The following GALK2 variants were observed in gnomAD, a reference collection of about 807,000 sequenced individuals.
The protein encoded by GALK2 is galactokinase 2, also known as N-acetylgalactosamine kinase.
A neutral mutation model predicts 52.4 loss-of-function variants in GALK2; 36 were observed. The observed-to-expected ratio is 0.69, with a 90% confidence interval of 0.53 to 0.91. The LOEUF (loss-of-function observed/expected upper bound fraction) is 0.91, where lower values mean the gene tolerates loss of function less well. Ranked by LOEUF, GALK2 falls within the 40% of genes least tolerant of loss-of-function variation. GALK2 has a pLI of 0.00. For missense variants in GALK2, 579 were observed against 559.1 expected, an observed-to-expected ratio of 1.04 and a Z score of -0.36; for synonymous variants, 176 against 199.1, an observed-to-expected ratio of 0.88 and a Z score of 0.98.
intron 9 of GALK2, among the ~76,000 whole-genome samples, chr15:49,321,618 A>G (rs1214989147): frequency 6.6e-6 from 1 of 152,222 alleles, no homozygotes; most frequent in Non-Finnish European, 1.5e-5. Flanking sequence ...ACCATAAAAT[A>G]TTAGATCAGG....
chr15:49,217,360 G>C (rs770172220), intron 3 of GALK2, 47 bp downstream of exon 3: 10 of 1,585,380 alleles, frequency 6.3e-6, no homozygotes, highest in Non-Finnish European at 7.7e-6. Flanking sequence ...GGTTCTGTTT[G>C]TACCCAAATG....
intron 1 of GALK2, among the ~76,000 whole-genome samples, chr15:49,178,203 A>ATATATATATATATG (rs1312016111): frequency 9.0e-6 from 1 of 110,840 alleles, no homozygotes. Context: ...TACTATATAT[A>ATATATATATATATG]TATATATATA....
chr15:49,275,972 C>T (rs1254541799), intron 5 of GALK2, among the ~76,000 whole-genome samples: 1 of 152,226 alleles, frequency 6.6e-6, no homozygotes, highest in Admixed American at 6.5e-5. Context: ...AAAGTAGCTT[C>T]ATTAACTATC....
intron 1 of GALK2, among the ~76,000 whole-genome samples, chr15:49,176,266 A>G (rs1401806901): frequency 1.3e-5 from 2 of 152,238 alleles, no homozygotes; most frequent in African/African-American, 4.8e-5. Flanking sequence ...TCTGTGATAC[A>G]AAGTACAGCC....
chr15:49,358,407 A>G (rs1483813828), intron 3 of GALK2, among the ~76,000 whole-genome samples: 1 of 126,076 alleles, frequency 7.9e-6, no homozygotes, highest in East Asian at 2.3e-4. Flanking sequence ...TACAAAATCA[A>G]TGTACAAAAA....
rs148234101 is a variant in GALK2 at position 49,239,230 on chromosome 15, G to T, written c.367G>T (p.Gly123Cys). The T allele has an allele frequency of 3.1e-6, 5 of 1,613,614 alleles. No individual in the cohort carries two copies. The highest frequency in any genetic ancestry group is 3.4e-6 in the Non-Finnish European group (4 of 1,179,726). ...CGLKGIQEHF[G>C]LSNLTGMNCL... is the part of the protein sequence containing the mutation. ...TTCCTTATATTCTTAGGAACACTTT[G>T]GTCTTAGTAACCTGACTGGAATGAA... The change falls in exon 5 of 10, where the codon GGT becomes TGT. Residue 123 changes from glycine (G) to cysteine (C), a missense_variant. Coordinates refer to ENST00000560031, the MANE Select transcript of GALK2 (RefSeq NM_002044.4).
intron 3 of GALK2, among the ~76,000 whole-genome samples, chr15:49,224,545 G>A (rs1320130325): frequency 6.6e-6 from 1 of 152,026 alleles, no homozygotes; most frequent in African/African-American, 2.4e-5. Context: ...TACTGCATAC[G>A]GCTAACCAGT....
At chr15:49,296,025 A>G (rs78487231) in intron 8 of GALK2, among the ~76,000 whole-genome samples, 2,616 of 152,290 alleles carry the variant, frequency 0.017, 95 homozygotes, top group African/African-American at 0.06. Flanking sequence ...GTATATATTC[A>G]TAAGCTTTTC....
rs149275879 is a variant in GALK2 at position 49,194,669 on chromosome 15, C to T, written c.54-6493C>T. On this transcript the variant is annotated intron_variant, in intron 1 of 9. Coordinates refer to ENST00000560031, the MANE Select transcript of GALK2 (RefSeq NM_002044.4). ...GGAGTGCAATGGTGCAATCTTGGCT[C>T]ACCGCAACCTCTGCTTCCCAAGTTT... 1.8e-3 allele frequency among the ~76,000 whole-genome samples: 275 copies of T among 149,606 alleles called. 1 individual carries two copies. Among genetic ancestry groups the T allele is most frequent in the South Asian group, 9.3e-3 (44 of 4,738 alleles).
At chr15:49,332,090 CACA>C (rs1567085537), downstream of GALK2, among the ~76,000 whole-genome samples, 430 of 60,906 alleles carry the variant, frequency 7.1e-3, 5 homozygotes, top group African/African-American at 0.054. Flanking sequence ...ACACGTGCCA[CACA>C]CACACACACA....
intron 3 of GALK2, chr15:49,344,259 T>G (rs565224550): frequency 6.6e-6 from 1 of 152,344 alleles, no homozygotes; most frequent in East Asian, 1.9e-4. Flanking sequence ...TTCATTTTTC[T>G]GTGTCTTTTC....
At chr15:49,262,223 T>C (rs1395297425) in intron 5 of GALK2, among the ~76,000 whole-genome samples, 1 of 152,166 alleles carries the variant, frequency 6.6e-6, no homozygotes. Flanking sequence ...TGGTAAGCTA[T>C]TGATTATTGC....
At chr15:49,365,826 T>C in intron 3 of GALK2, 1 of 873,558 alleles carries the variant, frequency 1.1e-6, no homozygotes, top group Non-Finnish European at 2.0e-6. Flanking sequence ...TAAGTCTCAC[T>C]TCCATGCTTT....
intron 5 of GALK2, among the ~76,000 whole-genome samples, chr15:49,260,151 G>A (rs78998914): frequency 0.42 from 63,186 of 151,828 alleles, 13,328 homozygotes; most frequent in African/African-American, 0.45. Context: ...CTGAGGAATC[G>A]CCACACAGAC....
At chr15:49,264,348 C>A (rs2092269843) in intron 5 of GALK2, among the ~76,000 whole-genome samples, 1 of 152,170 alleles carries the variant, frequency 6.6e-6, no homozygotes, top group Non-Finnish European at 1.5e-5. Flanking sequence ...ACCCTTTCTT[C>A]CAGTTGATCG....
intron 8 of GALK2, among the ~76,000 whole-genome samples, chr15:49,313,745 A>G (rs1170722113): frequency 1.3e-5 from 2 of 152,246 alleles, no homozygotes; most frequent in Non-Finnish European, 2.9e-5. Flanking sequence ...AACTTTTGCT[A>G]GATGACTATC....
At chr15:49,165,116 A>G (rs769262196) in intron 1 of GALK2, among the ~76,000 whole-genome samples, 5 of 152,226 alleles carry the variant, frequency 3.3e-5, no homozygotes, top group Admixed American at 1.3e-4. Flanking sequence ...ACAGAGAAAC[A>G]TTTGTTAAAT....
chr15:49,187,060 G>A (rs2086404282), intron 1 of GALK2, among the ~76,000 whole-genome samples: 1 of 152,144 alleles, frequency 6.6e-6, no homozygotes, highest in South Asian at 2.1e-4. Flanking sequence ...GGATTTATTT[G>A]TATCCTTTTG....
chr15:49,231,428 A>T (rs1337889462), intron 3 of GALK2, among the ~76,000 whole-genome samples: 1 of 152,136 alleles, frequency 6.6e-6, no homozygotes, highest in Non-Finnish European at 1.5e-5. Flanking sequence ...ATTTGGGCAG[A>T]GACACAAATC....
Sources: gnomAD v4.1 joint callset for allele counts (sites outside exome capture counted in the v4.1 genomes callset) on GRCh38, gnomAD v4.1.1 for gene constraint, MANE v1.5 for transcripts, NCBI Gene and HGNC (gene_info 2026-07-23, HGNC 2026-07-21) for gene names.